Variants in KCNQ1 observed in about 807,000 individuals in gnomAD.
KCNQ1 encodes potassium voltage-gated channel subfamily KQT member 1.
A neutral mutation model predicts 72.4 loss-of-function variants in KCNQ1; 49 were observed. The ratio of observed to expected loss-of-function variants is 0.68; its 90% CI spans 0.54 to 0.86. KCNQ1 has a LOEUF of 0.86. Among genes scored for constraint, KCNQ1 ranks in the 40% least tolerant of loss-of-function variants. The probability of loss-of-function intolerance (pLI) is 0.00; values close to 1 mark genes in which losing one functional copy is unlikely to be tolerated. For missense variants in KCNQ1, 790 were observed against 945.1 expected (o/e 0.84, Z 2.15); for synonymous variants, 450 against 412.6 (o/e 1.09, Z -1.10).
At chr11:2,802,763 G>A (rs888246589) in intron 15 of KCNQ1, among the ~76,000 whole-genome samples, 46 of 152,124 alleles carry the variant, frequency 3.0e-4, no homozygotes, top group Non-Finnish European at 5.7e-4. Context: ...CTGCGAGCTA[G>A]AGGGGAGAAG....
chr11:2,664,563 G>C lies in KCNQ1; in HGVS notation c.1514+2482G>C, dbSNP rs1850029801. The C allele has an allele frequency of 2.5e-6, 1 of 398,686 alleles. No individual in the cohort carries two copies. Among genetic ancestry groups the C allele is most frequent in the East Asian group, 3.6e-5 (1 of 28,070 alleles). 24.7% of individuals were successfully genotyped at this position (398,686 alleles called of 1,614,324 possible). A position where few individuals can be genotyped will look rare whatever the true frequency, so the allele number is the denominator to read the frequency against. ...CGGCAGGGGTGTGGGGGCCGTGCAG[G>C]TCTTCTGCCCGCATTGGGGCTGCAT... On this transcript the variant is annotated intron_variant, in intron 11 of 15. Coordinates refer to ENST00000155840, the MANE Select transcript of KCNQ1 (RefSeq NM_000218.3). The surrounding 1 kb of genome is among the most constrained non-coding windows in gnomAD (Gnocchi z 5.1).
rs1413334940 is a variant in KCNQ1 at position 2,482,566 on chromosome 11, C to A, written c.386+37082C>A. On this transcript the variant is annotated intron_variant, in intron 1 of 15. Coordinates refer to ENST00000155840, the MANE Select transcript of KCNQ1 (RefSeq NM_000218.3). The surrounding 1 kb of genome is among the most constrained non-coding windows in gnomAD (Gnocchi z 5.7). ...TTCCTGCATTTTTATGGCTCTGACA[C>A]CTTTGGCCAAATCACCTTCCGGGAG... is the stretch of plus-strand genomic sequence containing the variant. 6.6e-6 allele frequency among the ~76,000 whole-genome samples: 1 copy of A among 152,128 alleles called. No individual in the cohort carries two copies. Among genetic ancestry groups the A allele is most frequent in the East Asian group, 1.9e-4 (1 of 5,190 alleles).
chr11:2,790,487 C>CCTG (rs1217246603), intron 15 of KCNQ1, among the ~76,000 whole-genome samples: 1 of 152,216 alleles, frequency 6.6e-6, no homozygotes, highest in Non-Finnish European at 1.5e-5. Context: ...CCATCCACAC[C>CCTG]CAGCATCCAG....
Position 2,445,406 on chromosome 11 carries a change from G to T in KCNQ1, c.308G>T (p.Arg103Leu), listed in dbSNP as rs1240209162. ...AGCACGCGCCGCCCGGTGTTGGCGC[G>T]CACCCACGTCCAGGGCCGCGTCTAC... ...IYSTRRPVLA[R>L]THVQGRVYNF... is the part of the protein sequence containing the mutation. The change falls in exon 1 of 16, where the codon CGC becomes CTC. Residue 103 changes from arginine to leucine, a missense_variant. Arg to Leu is a moderately radical substitution (Grantham distance 102, BLOSUM62 -2). Around this residue, in one of 5 missense-constraint regions of KCNQ1, gnomAD observed 294 missense variants for 323.3 expected, o/e 0.91. Coordinates refer to ENST00000155840, the MANE Select transcript of KCNQ1 (RefSeq NM_000218.3). 1.3e-6 allele frequency: 2 copies of T among 1,597,726 alleles called. No individual in the cohort carries two copies. Among genetic ancestry groups the T allele is most frequent in the Admixed American group, 1.7e-5 (1 of 59,952 alleles).
chr11:2,487,998 G>T lies in KCNQ1; in HGVS notation c.387-39930G>T, dbSNP rs554307842. On this transcript the variant is annotated intron_variant, in intron 1 of 15. Coordinates refer to ENST00000155840, the MANE Select transcript of KCNQ1 (RefSeq NM_000218.3). ...GTCTCATCATTATGATGTTAGCTGT[G>T]GATTTTCACATATGGTTTTTATTAT... 3.3e-5 allele frequency among the ~76,000 whole-genome samples: 5 copies of T among 152,168 alleles called. No homozygotes were observed. The South Asian group carries it at 1.0e-3, about 32-fold the overall frequency.
chr11:2,728,573 C>T (rs900206697), intron 11 of KCNQ1, among the ~76,000 whole-genome samples: 2 of 152,238 alleles, frequency 1.3e-5, no homozygotes, highest in Non-Finnish European at 2.9e-5. Context: ...GCACAGCCCA[C>T]CAGCAGAGCC....
chr11:2,699,963 G>T, intron 11 of KCNQ1: 1 of 398,386 alleles, frequency 2.5e-6, no homozygotes, highest in Non-Finnish European at 4.4e-6. Flanking sequence ...GCTCCCTGGA[G>T]GTCCGTGCTG....
At position 2,567,367 on chromosome 11, in the gene KCNQ1, G is replaced by C. The variant is rs1009273717; in HGVS notation, c.478-3261G>C. On this transcript the variant is annotated intron_variant, in intron 2 of 15. Transcript: ENST00000155840. The surrounding 1 kb of genome is among the most constrained non-coding windows in gnomAD (Gnocchi z 6.6). ...CAGGGGGAGGCAGGCCTGCCATTCT[G>C]TGAGCCTGCTTTAGACTGGGGATGT... Among the ~76,000 whole-genome samples the C allele has an allele frequency of 6.6e-6, 1 of 152,154 alleles. No individual in the cohort carries two copies. The highest frequency in any genetic ancestry group is 1.5e-5 in the Non-Finnish European group (1 of 68,026).
At chr11:2,786,212 T>C (rs1846909473) in intron 15 of KCNQ1, among the ~76,000 whole-genome samples, 1 of 152,194 alleles carries the variant, frequency 6.6e-6, no homozygotes. Flanking sequence ...TATAAAATTA[T>C]AGGCCTTAGG....
In KCNQ1 at chr11:2,723,508, C is replaced by T. The variant is rs950501405; in HGVS notation, c.1515-45336C>T. Among the ~76,000 whole-genome samples, 1 of 152,242 alleles carries T rather than the reference C, an allele frequency of 6.6e-6. No homozygotes were observed. The highest frequency in any genetic ancestry group is 1.5e-5 in the Non-Finnish European group (1 of 68,048). On this transcript the variant is annotated intron_variant, in intron 11 of 15. Coordinates refer to ENST00000155840, the MANE Select transcript of KCNQ1 (RefSeq NM_000218.3). This position sits in a 1 kb window ranked among gnomAD's most constrained non-coding sequence, Gnocchi z 4.2. ...TGGAAGCCCTACACAGGCAGCCCCA[C>T]ACCTGGTCCGCTGTTCTGTCCTTAC...
rs547274969 is a variant in KCNQ1, at chr11:2,559,308, G to C, written c.478-11320G>C. 3.3e-5 allele frequency among the ~76,000 whole-genome samples: 5 copies of C among 152,280 alleles called. No individual in the cohort carries two copies. The highest frequency in any genetic ancestry group is 9.6e-5 in the African/African-American group (4 of 41,550). ...GGTCGTAGAGAAATGTGTGAACATG[G>C]CTCCCCTTAGGCCAGGGGTAGACGC... On this transcript the variant is annotated intron_variant, in intron 2 of 15. Coordinates refer to ENST00000155840, the MANE Select transcript of KCNQ1 (RefSeq NM_000218.3). The surrounding 1 kb of genome is among the most constrained non-coding windows in gnomAD (Gnocchi z 4.9).
In KCNQ1 at chr11:2,613,108, T is replaced by A; in HGVS notation, c.1393+24254T>A. 2.5e-6 allele frequency: 1 copy of A among 398,640 alleles called. No individual in the cohort carries two copies. The highest frequency in any genetic ancestry group is 2.1e-5 in the African/African-American group (1 of 48,748). The allele number at this position is 398,640 out of a possible 1,614,324, so 24.7% of individuals were successfully genotyped here. A position where few individuals can be genotyped will look rare whatever the true frequency, so the allele number is the denominator to read the frequency against. On this transcript the variant is annotated intron_variant, in intron 10 of 15. Transcript: ENST00000155840. The surrounding 1 kb of genome is among the most constrained non-coding windows in gnomAD (Gnocchi z 4.8). ...GATTAGTCAGACATTTGTTTAAACA[T>A]CTTGAGCCAGTGAATCTTCCACCCT... is the stretch of plus-strand genomic sequence containing the variant.
chr11:2,520,993 A>C (rs1483483062), intron 1 of KCNQ1, among the ~76,000 whole-genome samples: 2 of 150,788 alleles, frequency 1.3e-5, no homozygotes, highest in Admixed American at 1.3e-4. Flanking sequence ...AGCCACGGGG[A>C]ACATTTTGAA....
At position 2,752,087 on chromosome 11, in the gene KCNQ1, C is replaced by G. The variant is rs1238849789; in HGVS notation, c.1515-16757C>G. Among the ~76,000 whole-genome samples, 1 of 152,278 alleles carries G rather than the reference C, an allele frequency of 6.6e-6. No homozygotes were observed. The highest frequency in any genetic ancestry group is 1.9e-4 in the East Asian group (1 of 5,206). ...CCTAGGCAGCACTCACCCTGGTCAT[C>G]CCTGTTTCCACCACAAGACTGTTTG... On this transcript the variant is annotated intron_variant, in intron 11 of 15. Coordinates refer to ENST00000155840, the MANE Select transcript of KCNQ1 (RefSeq NM_000218.3). This position sits in a 1 kb window ranked among gnomAD's most constrained non-coding sequence, Gnocchi z 5.2.
chr11:2,674,446 G>C lies in KCNQ1; in HGVS notation c.1514+12365G>C. 1 of 398,676 alleles carries C rather than the reference G, an allele frequency of 2.5e-6. No homozygotes were observed. The highest frequency in any genetic ancestry group is 4.4e-6 in the Non-Finnish European group (1 of 226,112). The allele number at this position is 398,676 out of a possible 1,614,324, so 24.7% of individuals were successfully genotyped here. A position where few individuals can be genotyped will look rare whatever the true frequency, so the allele number is the denominator to read the frequency against. On this transcript the variant is annotated intron_variant, in intron 11 of 15. Coordinates refer to ENST00000155840, the MANE Select transcript of KCNQ1 (RefSeq NM_000218.3). This position sits in a 1 kb window ranked among gnomAD's most constrained non-coding sequence, Gnocchi z 5.9. ...ACACGACCACAGAGGCTGGGGGGAG[G>C]CACGTGGGGAGGAGGGCTGCCTGTC...
chr11:2,674,076 G>A lies in KCNQ1; in HGVS notation c.1514+11995G>A, dbSNP rs1194224261. 1.3e-5 allele frequency: 5 copies of A among 398,580 alleles called. No individual in the cohort carries two copies. The highest frequency in any genetic ancestry group is 2.2e-5 in the Non-Finnish European group (5 of 226,150). The allele number at this position is 398,580 out of a possible 1,614,324, so 24.7% of individuals were successfully genotyped here. A position where few individuals can be genotyped will look rare whatever the true frequency, so the allele number is the denominator to read the frequency against. On this transcript the variant is annotated intron_variant, in intron 11 of 15. Coordinates refer to ENST00000155840, the MANE Select transcript of KCNQ1 (RefSeq NM_000218.3). The surrounding 1 kb of genome is among the most constrained non-coding windows in gnomAD (Gnocchi z 5.9). ...CTTGCTGGCTGCCCCATGGGGGCTT[G>A]GGCTAGGTCTCCCTGCCGGTGGGGA...
In KCNQ1 at chr11:2,562,560, G is replaced by A. The variant is rs1362851091; in HGVS notation, c.478-8068G>A. On this transcript the variant is annotated intron_variant, in intron 2 of 15. Coordinates refer to ENST00000155840, the MANE Select transcript of KCNQ1 (RefSeq NM_000218.3). The surrounding 1 kb of genome is among the most constrained non-coding windows in gnomAD (Gnocchi z 7.5). ...ACAGGCCCAGCCCTCTGGCTTCCTCGCTATGGGAGGGGGTGAGACCCTAAT... is the reference window on the plus strand; with the variant it reads ...ACAGGCCCAGCCCTCTGGCTTCCTCACTATGGGAGGGGGTGAGACCCTAAT... 6.6e-6 allele frequency among the ~76,000 whole-genome samples: 1 copy of A among 152,122 alleles called. No homozygotes were observed. Among genetic ancestry groups the A allele is most frequent in the Non-Finnish European group, 1.5e-5 (1 of 67,998 alleles).
At chr11:2,774,062 A>G (rs762985950) in intron 12 of KCNQ1, among the ~76,000 whole-genome samples, 26 of 151,938 alleles carry the variant, frequency 1.7e-4, no homozygotes, top group Non-Finnish European at 3.7e-4. Flanking sequence ...ATCCCATTTC[A>G]TAGAAGAGAA....
Position 2,626,646 on chromosome 11 carries a change from G to A in KCNQ1, c.1394-35315G>A, listed in dbSNP as rs76431312. 2.6e-3 allele frequency: 1,055 copies of A among 398,412 alleles called. 40 individuals carry two copies. The East Asian group carries it at 0.029, about 11-fold the overall frequency. 24.7% of individuals were successfully genotyped at this position (398,412 alleles called of 1,614,324 possible). On this transcript the variant is annotated intron_variant, in intron 10 of 15. Coordinates refer to ENST00000155840, the MANE Select transcript of KCNQ1 (RefSeq NM_000218.3). This position sits in a 1 kb window ranked among gnomAD's most constrained non-coding sequence, Gnocchi z 4.0. Reference sequence around the variant, plus strand: ...CAGGCTCAAGCAATCCTCCCACCTCGGCTTCTTGAGTAGCTGGGAATAGAA... The same window carrying A: ...CAGGCTCAAGCAATCCTCCCACCTCAGCTTCTTGAGTAGCTGGGAATAGAA...
Sources: allele counts gnomAD v4.1 joint callset (sites outside exome capture counted in the v4.1 genomes callset), GRCh38; gene constraint gnomAD v4.1.1; regional missense constraint gnomAD v4.1.1; non-coding constraint Gnocchi (gnomAD v3.1); transcripts MANE v1.5; gene names NCBI Gene and HGNC (gene_info 2026-07-23, HGNC 2026-07-21).